The following COL24A1 variants were observed in gnomAD, a reference collection of about 807,000 sequenced individuals.
COL24A1 encodes collagen alpha-1(XXIV) chain.
A neutral mutation model predicts 253.9 loss-of-function variants in COL24A1; 224 were observed. That is an observed-to-expected ratio of 0.88 (90% confidence interval 0.79 to 0.99). The LOEUF (loss-of-function observed/expected upper bound fraction) is 0.99. COL24A1 is among the 50% of genes least tolerant of loss of function. The pLI, the probability that COL24A1 is intolerant of heterozygous loss-of-function variation, is 0.00. For missense variants in COL24A1, 2,131 were observed against 2,068.5 expected, an observed-to-expected ratio of 1.03 and a Z score of -0.59; for synonymous variants, 685 against 673.7, an observed-to-expected ratio of 1.02 and a Z score of -0.26.
chr1:85,778,605 A>ATTTTTT (rs369650547), intron 52 of COL24A1, among the ~76,000 whole-genome samples: 1 of 138,328 alleles, frequency 7.2e-6, no homozygotes, highest in Admixed American at 7.4e-5. Flanking sequence ...TTATTCTTCA[A>ATTTTTT]TTTTTTTTTT....
chr1:86,014,811 C>T (rs539692753), intron 19 of COL24A1, among the ~76,000 whole-genome samples: 244 of 152,128 alleles, frequency 1.6e-3, no homozygotes, highest in Non-Finnish European at 2.9e-3. Context: ...TCATCAATCC[C>T]CTGCTCTGCT....
At chr1:85,879,911 A>G (rs1681630926) in intron 32 of COL24A1, among the ~76,000 whole-genome samples, 1 of 152,184 alleles carries the variant, frequency 6.6e-6, no homozygotes, top group African/African-American at 2.4e-5. Context: ...TCTTTTGCCA[A>G]TATCACACTG....
intron 53 of COL24A1, among the ~76,000 whole-genome samples, chr1:85,773,530 T>C (rs1034035968): frequency 6.6e-6 from 1 of 152,228 alleles, no homozygotes; most frequent in Non-Finnish European, 1.5e-5. Flanking sequence ...TTTGTTTGTG[T>C]CCTATCTTAT....
chr1:86,109,394 C>T (rs928821454), intron 5 of COL24A1, among the ~76,000 whole-genome samples: 2 of 152,156 alleles, frequency 1.3e-5, no homozygotes, highest in Non-Finnish European at 2.9e-5. Context: ...AATGATACCA[C>T]TTATGGCATC....
chr1:85,998,615 G>T (rs561817531), intron 19 of COL24A1, among the ~76,000 whole-genome samples: 1 of 152,282 alleles, frequency 6.6e-6, no homozygotes, highest in South Asian at 2.1e-4. Flanking sequence ...TTCTGCAAAT[G>T]AGGTATTGAC....
intron 11 of COL24A1, among the ~76,000 whole-genome samples, chr1:86,047,169 G>T (rs1442780973): frequency 4.6e-5 from 7 of 152,082 alleles, no homozygotes. Context: ...ACCAAAGTTG[G>T]CACAACTAGA....
At chr1:85,739,223 T>G (rs745991569) in intron 57 of COL24A1, among the ~76,000 whole-genome samples, 2 of 152,210 alleles carry the variant, frequency 1.3e-5, no homozygotes, top group Non-Finnish European at 2.9e-5. Context: ...TTCCAAGAAA[T>G]ACTATCCTAC....
intron 24 of COL24A1, among the ~76,000 whole-genome samples, chr1:85,913,829 A>G (rs1685603999): frequency 6.6e-6 from 1 of 152,220 alleles, no homozygotes; most frequent in African/African-American, 2.4e-5. Flanking sequence ...TAGTGACCCA[A>G]ATTCTTCCGG....
At chr1:85,835,182 T>C (rs1371941186) in intron 43 of COL24A1, among the ~76,000 whole-genome samples, 2 of 147,464 alleles carry the variant, frequency 1.4e-5, no homozygotes, top group Non-Finnish European at 3.0e-5. Context: ...TGCAGTGGCA[T>C]GATCTTGGCT....
chr1:85,772,170 G>A (rs1013751740), intron 53 of COL24A1, among the ~76,000 whole-genome samples: 1 of 151,522 alleles, frequency 6.6e-6, no homozygotes, highest in African/African-American at 2.4e-5. Context: ...TGGTGTATAT[G>A]TGCCACATTT....
intron 1 of COL24A1, among the ~76,000 whole-genome samples, chr1:86,149,200 G>A (rs1652380770): frequency 1.3e-5 from 2 of 152,062 alleles, no homozygotes; most frequent in Admixed American, 1.3e-4. Context: ...TGGCCCACCT[G>A]GGGAGTTTTA....
intron 24 of COL24A1, among the ~76,000 whole-genome samples, chr1:85,949,601 A>C (rs1021007776): frequency 6.6e-6 from 1 of 152,022 alleles, no homozygotes; most frequent in Non-Finnish European, 1.5e-5. Context: ...CTATTTCCTA[A>C]ATATCTTTTA....
intron 37 of COL24A1, among the ~76,000 whole-genome samples, chr1:85,860,969 T>C (rs1288986325): frequency 6.6e-6 from 1 of 152,218 alleles, no homozygotes; most frequent in African/African-American, 2.4e-5. Flanking sequence ...GCTGTGAAAA[T>C]TCATGTACAA....
intron 31 of COL24A1, 118 bp from the exon 32 acceptor site, chr1:85,889,731 C>CTTT (rs367651086): frequency 1.1e-5 from 7 of 637,474 alleles, no homozygotes; most frequent in Middle Eastern, 3.1e-4. Flanking sequence ...TATTGCTATT[C>CTTT]TTTTTTTTTT....
At chr1:86,122,631 C>A (rs1442811973) in intron 3 of COL24A1, among the ~76,000 whole-genome samples, 1 of 151,970 alleles carries the variant, frequency 6.6e-6, no homozygotes, top group Non-Finnish European at 1.5e-5. Flanking sequence ...TCTCAATCTG[C>A]AGGCTTAAAA....
chr1:85,999,935 T>C (rs1695240342), intron 19 of COL24A1, among the ~76,000 whole-genome samples: 1 of 152,176 alleles, frequency 6.6e-6, no homozygotes, highest in African/African-American at 2.4e-5. Flanking sequence ...GCTTGAAATA[T>C]AAGGTCTTAT....
At chr1:85,827,049 A>G (rs1413697465) in intron 43 of COL24A1, among the ~76,000 whole-genome samples, 4 of 151,758 alleles carry the variant, frequency 2.6e-5, no homozygotes, top group Admixed American at 2.6e-4. Flanking sequence ...TCAGTATGAT[A>G]TTGGCTGTGG....
chr1:86,143,959 TTTCCAGTCTC>T (rs1651511708), intron 2 of COL24A1, among the ~76,000 whole-genome samples: 1 of 152,138 alleles, frequency 6.6e-6, no homozygotes, highest in Admixed American at 6.5e-5. Context: ...TGATAATGGT[TTTCCAGTCTC>T]CTGATTAGAT....
At chr1:85,942,706 A>C (rs754849400) in intron 24 of COL24A1, among the ~76,000 whole-genome samples, 2 of 152,216 alleles carry the variant, frequency 1.3e-5, no homozygotes, top group Non-Finnish European at 2.9e-5. Flanking sequence ...TAATGTTGAA[A>C]TCCTGAAAGT....
Sources: gnomAD v4.1 joint callset for allele counts (sites outside exome capture counted in the v4.1 genomes callset) on GRCh38, gnomAD v4.1.1 for gene constraint, MANE v1.5 for transcripts, NCBI Gene and HGNC (gene_info 2026-07-23, HGNC 2026-07-21) for gene names.